Variants in GPC5 observed in about 807,000 individuals in gnomAD.
GPC5 encodes glypican 5.
GPC5 carries 47 observed loss-of-function variants against 53.9 expected under a neutral mutation model. That is an observed-to-expected ratio of 0.87 (90% confidence interval 0.69 to 1.11). GPC5 has a LOEUF of 1.11. GPC5 is among the 50% of genes most tolerant of loss of function. The pLI is 0.00. For missense variants in GPC5, 748 were observed against 713.1 expected (o/e 1.05, Z -0.56); for synonymous variants, 286 against 263.3 (o/e 1.09, Z -0.84).
At chr13:91,586,113 T>A (rs1253654896) in intron 2 of GPC5, among the ~76,000 whole-genome samples, 1 of 151,112 alleles carries the variant, frequency 6.6e-6, no homozygotes, top group East Asian at 2.0e-4. Flanking sequence ...CTGTCCTTTT[T>A]TAAAACTTAA....
chr13:92,099,997 C>T (rs913325166), intron 6 of GPC5, among the ~76,000 whole-genome samples: 5 of 152,052 alleles, frequency 3.3e-5, no homozygotes, highest in Non-Finnish European at 5.9e-5. Flanking sequence ...ACAGCTGTGT[C>T]GTGAAATGCC....
chr13:91,420,224 A>G (rs1878514044), intron 1 of GPC5, among the ~76,000 whole-genome samples: 1 of 149,158 alleles, frequency 6.7e-6, no homozygotes, highest in African/African-American at 2.6e-5. Context: ...TAGCCTAGTG[A>G]GCTTTCATAC....
chr13:92,536,355 A>G lies in GPC5; in HGVS notation c.1562-329927A>G, dbSNP rs1226656092. ...TACCAATAAAAAGTAGAAGAACCCA[A>G]TGTTAATTCCATTACTAATAAAAGG... On this transcript the variant is annotated intron_variant, in intron 7 of 7. Transcript: ENST00000377067. Among the ~76,000 whole-genome samples, 3 of 152,184 alleles carry G rather than the reference A, an allele frequency of 2.0e-5. No individual in the cohort carries two copies. The East Asian group carries it at 5.8e-4, about 29-fold the overall frequency.
At chr13:92,542,376 T>C (rs1200330911) in intron 7 of GPC5, among the ~76,000 whole-genome samples, 1 of 151,984 alleles carries the variant, frequency 6.6e-6, no homozygotes, top group Non-Finnish European at 1.5e-5. Context: ...GAAACTACCA[T>C]TCCACTCTCT....
intron 7 of GPC5, among the ~76,000 whole-genome samples, chr13:92,786,461 C>T (rs1318825804): frequency 2.0e-5 from 3 of 151,808 alleles, no homozygotes; most frequent in East Asian, 1.9e-4. Flanking sequence ...ATCTTAAATG[C>T]CCCCACTGAG....
chr13:92,549,992 T>C (rs572486698), intron 7 of GPC5, among the ~76,000 whole-genome samples: 7 of 151,982 alleles, frequency 4.6e-5, no homozygotes, highest in African/African-American at 1.4e-4. Flanking sequence ...CTGATAACTA[T>C]AATTCAAGTA....
At chr13:92,286,783 T>C (rs936304964) in intron 7 of GPC5, among the ~76,000 whole-genome samples, 5 of 151,800 alleles carry the variant, frequency 3.3e-5, no homozygotes, top group Admixed American at 6.6e-5. Flanking sequence ...ATACCTAATG[T>C]AAATGATGAG....
chr13:91,808,883 T>C lies in GPC5; in HGVS notation c.1280+52463T>C, dbSNP rs186933631. ...GAGCCAGTGCTAGCATTGTTTCACATCTCTGTATTTCAGGACTTAGTTTTG... is the reference window on the plus strand; with the variant it reads ...GAGCCAGTGCTAGCATTGTTTCACACCTCTGTATTTCAGGACTTAGTTTTG... On this transcript the variant is annotated intron_variant, in intron 5 of 7. Transcript: ENST00000377067. 9.1e-4 allele frequency among the ~76,000 whole-genome samples: 139 copies of C among 152,262 alleles called. 1 individual carries two copies. Among genetic ancestry groups the C allele is most frequent in the African/African-American group, 3.2e-3 (133 of 41,556 alleles).
intron 7 of GPC5, among the ~76,000 whole-genome samples, chr13:92,606,300 A>G (rs1033301030): frequency 6.6e-6 from 1 of 151,750 alleles, no homozygotes. Flanking sequence ...AAGTGTTCTC[A>G]TTGTTCAATT....
intron 1 of GPC5, among the ~76,000 whole-genome samples, chr13:91,448,036 C>A (rs1880923194): frequency 6.6e-6 from 1 of 152,114 alleles, no homozygotes; most frequent in South Asian, 2.1e-4. Context: ...TTTAGTGATA[C>A]TAGCAAAGGT....
At chr13:92,397,181 C>T (rs1420635061) in intron 7 of GPC5, among the ~76,000 whole-genome samples, 3 of 152,154 alleles carry the variant, frequency 2.0e-5, no homozygotes, top group African/African-American at 7.2e-5. Context: ...TCGTTTGAGT[C>T]CCCACCCAGA....
chr13:92,374,174 A>G lies in GPC5; in HGVS notation c.1561+229185A>G, dbSNP rs34225252. Among the ~76,000 whole-genome samples the G allele has an allele frequency of 9.1e-3, 1,392 of 152,222 alleles. 21 individuals are homozygous for G. Among genetic ancestry groups the G allele is most frequent in the Middle Eastern group, 0.048 (14 of 294 alleles). Reference sequence around the variant, plus strand: ...GTTTCAAACCTTATTTAAAAATCACACTGCTATAAACCAGTAGAAACTTTC... The same window carrying G: ...GTTTCAAACCTTATTTAAAAATCACGCTGCTATAAACCAGTAGAAACTTTC... On this transcript the variant is annotated intron_variant, in intron 7 of 7. Transcript: ENST00000377067.
chr13:91,836,354 G>T (rs1036819732), intron 5 of GPC5, among the ~76,000 whole-genome samples: 7 of 151,932 alleles, frequency 4.6e-5, no homozygotes, highest in Non-Finnish European at 1.0e-4. Flanking sequence ...TTCTTCATCT[G>T]CAGTACAGCA....
intron 6 of GPC5, among the ~76,000 whole-genome samples, chr13:92,122,611 C>A (rs1160226459): frequency 1.4e-5 from 2 of 138,648 alleles, no homozygotes; most frequent in East Asian, 4.2e-4. Flanking sequence ...CTTGCTATAA[C>A]CTCACCTTCC....
chr13:92,850,188 A>G (rs1012374655), intron 7 of GPC5, among the ~76,000 whole-genome samples: 1 of 152,212 alleles, frequency 6.6e-6, no homozygotes, highest in African/African-American at 2.4e-5. Context: ...ACAACATTTG[A>G]AAGCTGGAGA....
chr13:92,433,914 A>G (rs1163446742), intron 7 of GPC5, among the ~76,000 whole-genome samples: 1 of 152,204 alleles, frequency 6.6e-6, no homozygotes, highest in Non-Finnish European at 1.5e-5. Flanking sequence ...TCAGTCAAGC[A>G]TACATTTGAA....
intron 7 of GPC5, among the ~76,000 whole-genome samples, chr13:92,856,934 A>G (rs1423604909): frequency 6.6e-6 from 1 of 152,104 alleles, no homozygotes; most frequent in Admixed American, 6.6e-5. Flanking sequence ...TGCTACTCCT[A>G]TCAAATGACC....
intron 5 of GPC5, among the ~76,000 whole-genome samples, chr13:91,886,710 T>A (rs914981933): frequency 2.6e-5 from 4 of 152,166 alleles, no homozygotes; most frequent in African/African-American, 7.2e-5. Context: ...AAGTCTGAAA[T>A]CCAATAGAGC....
At chr13:92,212,369 T>C (rs1289978046) in intron 7 of GPC5, among the ~76,000 whole-genome samples, 3 of 152,164 alleles carry the variant, frequency 2.0e-5, no homozygotes, top group Admixed American at 6.6e-5. Flanking sequence ...ATTTACAGTA[T>C]ATTTTTTCTA....
Sources: gnomAD v4.1 joint callset for allele counts (sites outside exome capture counted in the v4.1 genomes callset) on GRCh38, gnomAD v4.1.1 for gene constraint, MANE v1.5 for transcripts, NCBI Gene and HGNC (gene_info 2026-07-23, HGNC 2026-07-21) for gene names.